Variants in PDE1C observed in about 807,000 individuals in gnomAD.
The protein encoded by PDE1C is phosphodiesterase 1C.
PDE1C carries 62 observed loss-of-function variants against 93.1 expected under a neutral mutation model. That is an observed-to-expected ratio of 0.67 (90% CI 0.54 to 0.82). The LOEUF (loss-of-function observed/expected upper bound fraction) is 0.82, where lower values mean the gene tolerates loss of function less well. PDE1C is among the 40% of genes least tolerant of loss of function. The probability of loss-of-function intolerance (pLI) is 0.00; values close to 1 mark genes in which losing one functional copy is unlikely to be tolerated. For missense variants in PDE1C, 742 were observed against 884.6 expected, an observed-to-expected ratio of 0.84 and a Z score of 2.04; for synonymous variants, 325 against 310.1, an observed-to-expected ratio of 1.05 and a Z score of -0.50.
At chr7:31,971,104 T>G (rs1043625177) in intron 2 of PDE1C, among the ~76,000 whole-genome samples, 2 of 152,194 alleles carry the variant, frequency 1.3e-5, no homozygotes, top group Non-Finnish European at 2.9e-5. Flanking sequence ...ATCGCGCTAC[T>G]GCACTCCAGC....
chr7:32,195,192 G>C (rs1187969081), intron 2 of PDE1C, among the ~76,000 whole-genome samples: 1 of 152,096 alleles, frequency 6.6e-6, no homozygotes, highest in African/African-American at 2.4e-5. Flanking sequence ...AACATTATTG[G>C]ATTTAGCCAC....
chr7:31,957,187 C>G (rs1193719120), intron 2 of PDE1C, among the ~76,000 whole-genome samples: 1 of 149,916 alleles, frequency 6.7e-6, no homozygotes, highest in Non-Finnish European at 1.5e-5. Flanking sequence ...ATAGCCAAGT[C>G]AATTAAACTG....
At chr7:32,164,788 CCT>C (rs1802128964) in intron 3 of PDE1C, among the ~76,000 whole-genome samples, 1 of 152,300 alleles carries the variant, frequency 6.6e-6, no homozygotes, top group South Asian at 2.1e-4. Flanking sequence ...GGGAGACAAA[CCT>C]CTCTCAGCAG....
At chr7:31,708,471 G>A in the PDE1C span, 1 of 152,192 alleles carries the variant, frequency 6.6e-6, no homozygotes, top group Non-Finnish European at 1.5e-5. Flanking sequence ...CTGTCCTCGT[G>A]CGTTTCTCCT....
At chr7:31,860,983 A>C (rs1794624711) in intron 7 of PDE1C, among the ~76,000 whole-genome samples, 1 of 152,122 alleles carries the variant, frequency 6.6e-6, no homozygotes. Flanking sequence ...AGTTGTCTAT[A>C]GTCATGTCTT....
At chr7:31,659,772 A>G in the PDE1C span, among the ~76,000 whole-genome samples, 1 of 152,114 alleles carries the variant, frequency 6.6e-6, no homozygotes, top group Non-Finnish European at 1.5e-5. Context: ...TCTGCAAAAC[A>G]CTCAAATCAT....
At chr7:32,171,324 C>G (rs1399275108) in intron 2 of PDE1C, among the ~76,000 whole-genome samples, 1 of 151,880 alleles carries the variant, frequency 6.6e-6, no homozygotes, top group Non-Finnish European at 1.5e-5. Flanking sequence ...CTCTTCAAAA[C>G]AGTCAAAGGT....
chr7:32,347,095 A>G (rs998268173), intron 1 of PDE1C, among the ~76,000 whole-genome samples: 11 of 152,344 alleles, frequency 7.2e-5, no homozygotes, highest in Middle Eastern at 3.4e-3. Flanking sequence ...ACCTCAATGA[A>G]GTTGTTTTAA....
chr7:32,330,524 G>A (rs1031517455), intron 1 of PDE1C, among the ~76,000 whole-genome samples: 2 of 152,188 alleles, frequency 1.3e-5, no homozygotes, highest in African/African-American at 4.8e-5. Flanking sequence ...AAACCCTGAG[G>A]ACATGGCCTC....
chr7:32,011,076 G>A (rs1248564207), intron 2 of PDE1C, among the ~76,000 whole-genome samples: 2 of 151,972 alleles, frequency 1.3e-5, no homozygotes, highest in African/African-American at 2.4e-5. Context: ...AAAAGACAGG[G>A]TTAAGAAAAT....
intron 1 of PDE1C, among the ~76,000 whole-genome samples, chr7:32,317,491 T>C (rs1341476276): frequency 6.6e-6 from 1 of 152,128 alleles, no homozygotes; most frequent in Admixed American, 6.5e-5. Context: ...TGATGGCCTT[T>C]CTACCCACTC....
chr7:31,922,784 G>C (rs951627906), intron 2 of PDE1C, among the ~76,000 whole-genome samples: 2 of 151,810 alleles, frequency 1.3e-5, no homozygotes, highest in Admixed American at 6.6e-5. Flanking sequence ...ATAAGAAAAA[G>C]AAAAAAATGT....
intron 1 of PDE1C, among the ~76,000 whole-genome samples, chr7:32,230,234 C>T (rs1224197761): frequency 1.3e-5 from 2 of 152,162 alleles, no homozygotes; most frequent in East Asian, 3.9e-4. Flanking sequence ...TAGTGATGGC[C>T]CCCAAGTGGC....
intron 1 of PDE1C, among the ~76,000 whole-genome samples, chr7:32,403,430 T>C (rs908369481): frequency 2.0e-5 from 3 of 152,334 alleles, no homozygotes; most frequent in African/African-American, 7.2e-5. Flanking sequence ...CTTTTTCATA[T>C]GATATAATCC....
chr7:32,348,181 G>A (rs177363), intron 1 of PDE1C, among the ~76,000 whole-genome samples: 121,509 of 151,820 alleles, frequency 0.8, 48,983 homozygotes, highest in Admixed American at 0.85. Context: ...TTTAAGACCA[G>A]TTTTGTCCCA....
At chr7:31,924,351 A>G (rs988967817) in intron 2 of PDE1C, among the ~76,000 whole-genome samples, 1 of 152,232 alleles carries the variant, frequency 6.6e-6, no homozygotes, top group Admixed American at 6.5e-5. Flanking sequence ...CTGGTTGACA[A>G]TAACAGACAT....
At chr7:32,394,649 A>C (rs1784809590) in intron 1 of PDE1C, among the ~76,000 whole-genome samples, 1 of 152,192 alleles carries the variant, frequency 6.6e-6, no homozygotes, top group Admixed American at 6.5e-5. Context: ...CTCTACAAAA[A>C]ATACAAATAT....
At chr7:32,347,303 G>T (rs1668389) in intron 1 of PDE1C, among the ~76,000 whole-genome samples, 76,977 of 151,996 alleles carry the variant, frequency 0.51, 22,250 homozygotes, top group Admixed American at 0.66. Flanking sequence ...GTAGTACATG[G>T]TATTGATTTT....
At chr7:31,826,054 C>T (rs1432731330) in intron 12 of PDE1C, among the ~76,000 whole-genome samples, 3 of 152,082 alleles carry the variant, frequency 2.0e-5, no homozygotes, top group African/African-American at 2.4e-5. Context: ...AGCTCAGACA[C>T]CCAAATGTTC....
Sources: gnomAD v4.1 joint callset for allele counts (sites outside exome capture counted in the v4.1 genomes callset) on GRCh38, gnomAD v4.1.1 for gene constraint, MANE v1.5 for transcripts, NCBI Gene and HGNC (gene_info 2026-07-23, HGNC 2026-07-21) for gene names.